RFX7: variants seen among roughly 807,000 people sequenced by gnomAD.
The protein encoded by RFX7 is DNA-binding protein RFX7.
A neutral mutation model predicts 111.8 loss-of-function variants in RFX7; 26 were observed. The observed-to-expected ratio is 0.23, with a 90% confidence interval of 0.17 to 0.32. The LOEUF is 0.32. Ranked by LOEUF, RFX7 falls within the 10% of genes least tolerant of loss-of-function variation. The pLI is 1.00. For missense variants in RFX7, 1,573 were observed against 1,772.9 expected (o/e 0.89, Z 2.02); for synonymous variants, 624 against 624.4 (o/e 1.00, Z 0.01).
intron 2 of RFX7, among the ~76,000 whole-genome samples, chr15:56,199,983 C>T (rs572968738): frequency 2.2e-4 from 33 of 152,234 alleles, no homozygotes; most frequent in African/African-American, 8.0e-4. Flanking sequence ...GTTAAAAATG[C>T]TATGATTATG....
chr15:56,232,751 T>G (rs77621700), intron 2 of RFX7, among the ~76,000 whole-genome samples: 1 of 152,258 alleles, frequency 6.6e-6, no homozygotes, highest in South Asian at 2.1e-4. Flanking sequence ...CTCCCCCAAG[T>G]TAAAAGTTCC....
At chr15:56,243,049 G>GCCCCCCCCC in intron 2 of RFX7, 76 bp downstream of exon 2, 5 of 476,990 alleles carry the variant, frequency 1.0e-5, no homozygotes, top group Non-Finnish European at 1.5e-5. Flanking sequence ...CGCTCCCCCC[G>GCCCCCCCCC]CCCGCCGCCC....
At chr15:56,102,147 A>AT in intron 7 of RFX7, 22 bp downstream of exon 7, 1 of 1,561,810 alleles carries the variant, frequency 6.4e-7, no homozygotes, top group Non-Finnish European at 8.8e-7. Context: ...TACTTATTAA[A>AT]AAGAAAAGGC....
intron 5 of RFX7, among the ~76,000 whole-genome samples, chr15:56,139,754 CT>C (rs2042361491): frequency 6.6e-6 from 1 of 151,896 alleles, no homozygotes; most frequent in South Asian, 2.1e-4. Context: ...GTTTTATCTA[CT>C]TTTGGTCTTT....
chr15:56,215,486 T>G (rs1386101917), intron 2 of RFX7, among the ~76,000 whole-genome samples: 2 of 152,206 alleles, frequency 1.3e-5, no homozygotes, highest in African/African-American at 4.8e-5. Context: ...GTTAATGTGG[T>G]AAATTATATG....
chr15:56,171,879 C>T (rs1160570389), intron 3 of RFX7, among the ~76,000 whole-genome samples: 1 of 151,956 alleles, frequency 6.6e-6, no homozygotes, highest in African/African-American at 2.4e-5. Flanking sequence ...AGGATGGGGA[C>T]ATATAATTAG....
chr15:56,095,609 C>G lies in RFX7; in HGVS notation c.2119G>C (p.Gly707Arg), dbSNP rs767199401. The G allele has an allele frequency of 3.7e-6, 6 of 1,613,980 alleles. No homozygotes were observed. The South Asian group carries it at 6.6e-5, about 18-fold the overall frequency. ...QKVPHSGKTE[G>R]STAGAQIPSK... ...GGAATCTGAGCACCTGCTGTTGAAC[C>G]TTCTGTTTTCCCTGAATGTGGAACC... Residue 707 changes from glycine (G) to arginine (R), a missense_variant, in exon 10 of 10, where the codon GGT becomes CGT. By Grantham distance (125) the Gly-to-Arg change is moderately radical. Coordinates refer to ENST00000559447, the MANE Select transcript of RFX7 (RefSeq NM_022841.7).
chr15:56,155,684 A>G (rs2042643340), intron 3 of RFX7, among the ~76,000 whole-genome samples: 1 of 152,186 alleles, frequency 6.6e-6, no homozygotes, highest in Non-Finnish European at 1.5e-5. Flanking sequence ...TGATAGGTAC[A>G]GCAAAGCACT....
chr15:56,132,812 G>A (rs74554653), intron 5 of RFX7, among the ~76,000 whole-genome samples: 1,865 of 152,116 alleles, frequency 0.012, 42 homozygotes, highest in African/African-American at 0.041. Flanking sequence ...AGAAAGAAAT[G>A]CATTTAGTGA....
intron 2 of RFX7, among the ~76,000 whole-genome samples, chr15:56,209,217 A>T (rs72738668): frequency 1.3e-5 from 2 of 151,840 alleles, no homozygotes; most frequent in Non-Finnish European, 2.9e-5. Flanking sequence ...AGGAGCCAAG[A>T]TAAGAATTAT....
chr15:56,229,153 G>C (rs572418580), intron 2 of RFX7, among the ~76,000 whole-genome samples: 7 of 152,176 alleles, frequency 4.6e-5, no homozygotes, highest in Non-Finnish European at 8.8e-5. Context: ...TAATATTTTT[G>C]GTCTGTGGTT....
chr15:56,102,312 A>G, intron 6 of RFX7, 59 bp from the exon 7 acceptor site: 1 of 963,440 alleles, frequency 1.0e-6, no homozygotes, highest in South Asian at 1.7e-5. Flanking sequence ...TACAGACAGC[A>G]CTTTAAAAGT....
At position 56,089,725 on chromosome 15, in the gene RFX7, TC is replaced by T. The variant is rs2041572613; in HGVS notation, c.*3619del. The T allele has an allele frequency of 9.0e-6, 1 of 111,366 alleles. No homozygotes were observed. The highest frequency in any genetic ancestry group is 2.0e-5 in the Non-Finnish European group (1 of 50,662). 6.9% of individuals were successfully genotyped at this position (111,366 alleles called of 1,614,324 possible). On this transcript the variant is annotated 3_prime_UTR_variant, in exon 10 of 10. Transcript: ENST00000559447. ...GATTGCCTTTCTTGGGATTAGTTTT[TC>T]TTCAAGTACTTTTGAATTTTGATCT...
At chr15:56,125,045 G>C (rs2042124990) in intron 5 of RFX7, among the ~76,000 whole-genome samples, 1 of 152,082 alleles carries the variant, frequency 6.6e-6, no homozygotes, top group Non-Finnish European at 1.5e-5. Flanking sequence ...GTGAGAGATG[G>C]GAGTTTAGTT....
chr15:56,185,780 T>C (rs2043032235), intron 2 of RFX7, among the ~76,000 whole-genome samples: 1 of 152,194 alleles, frequency 6.6e-6, no homozygotes, highest in Non-Finnish European at 1.5e-5. Flanking sequence ...CCTTTCTTTG[T>C]GTAATTTATG....
chr15:56,139,396 A>T (rs2042354790), intron 5 of RFX7, among the ~76,000 whole-genome samples: 2 of 152,118 alleles, frequency 1.3e-5, no homozygotes, highest in African/African-American at 4.8e-5. Flanking sequence ...TCTTTCTTCC[A>T]GTTGATCGCA....
chr15:56,203,343 G>T (rs2043213895), intron 2 of RFX7, among the ~76,000 whole-genome samples: 1 of 152,076 alleles, frequency 6.6e-6, no homozygotes. Context: ...CTAATGTTCA[G>T]GTAAATTTAG....
At chr15:56,198,463 G>C (rs981008722) in intron 2 of RFX7, among the ~76,000 whole-genome samples, 1 of 152,092 alleles carries the variant, frequency 6.6e-6, no homozygotes, top group Non-Finnish European at 1.5e-5. Context: ...AAGTATTCTT[G>C]CTGAAATATT....
chr15:56,226,107 G>A (rs1372713590), intron 2 of RFX7, among the ~76,000 whole-genome samples: 1 of 151,936 alleles, frequency 6.6e-6, no homozygotes, highest in Non-Finnish European at 1.5e-5. Flanking sequence ...CAAAATAGGA[G>A]GTTCTGAATT....
Sources: gnomAD v4.1 joint callset for allele counts (sites outside exome capture counted in the v4.1 genomes callset) on GRCh38, gnomAD v4.1.1 for gene constraint, MANE v1.5 for transcripts, NCBI Gene and HGNC (gene_info 2026-07-23, HGNC 2026-07-21) for gene names.